GPAT4: variants seen among roughly 807,000 people sequenced by gnomAD.
GPAT4 encodes 1-AGP acyltransferase 6.
In GPAT4, 17 loss-of-function variants were observed where a neutral mutation model predicts 58.0. That is an observed-to-expected ratio of 0.29 (90% CI 0.20 to 0.44). GPAT4 has a LOEUF of 0.44. GPAT4 is among the 20% of genes least tolerant of loss of function. The probability of loss-of-function intolerance (pLI) is 1.00; values close to 1 mark genes in which losing one functional copy is unlikely to be tolerated. For synonymous variants in GPAT4, 204 were observed against 210.1 expected (o/e 0.97, Z 0.25); for missense variants, 377 against 574.5 (o/e 0.66, Z 3.51).
At chr8:41,602,380 G>A (rs1368984956) in intron 2 of GPAT4, among the ~76,000 whole-genome samples, 4 of 152,222 alleles carry the variant, frequency 2.6e-5, no homozygotes, top group Non-Finnish European at 5.9e-5. Flanking sequence ...GCCAGCCACC[G>A]AAAGGGTTGT....
intron 1 of GPAT4, chr8:41,578,505 C>T (rs911721476): frequency 1.3e-5 from 2 of 152,084 alleles, no homozygotes; most frequent in Non-Finnish European, 2.9e-5. Context: ...CGCCCCGAAC[C>T]CCGGCCGCCC....
intron 2 of GPAT4, among the ~76,000 whole-genome samples, chr8:41,606,894 G>A (rs1304319941): frequency 5.9e-5 from 9 of 152,164 alleles, no homozygotes; most frequent in Non-Finnish European, 7.3e-5. Context: ...GACAAGGAGG[G>A]AGTTGCTTCA....
chr8:41,610,459 A>T (rs1803408101), intron 4 of GPAT4: 1 of 1,309,280 alleles, frequency 7.6e-7, no homozygotes, highest in Non-Finnish European at 9.8e-7. Flanking sequence ...CCTGTGGCAG[A>T]ATGGCCAGCT....
At chr8:41,593,331 A>T (rs1333418127) in intron 1 of GPAT4, among the ~76,000 whole-genome samples, 75 of 152,248 alleles carry the variant, frequency 4.9e-4, no homozygotes, top group Non-Finnish European at 2.9e-5. Flanking sequence ...TATACAAACA[A>T]GTCCTTTTTA....
chr8:41,584,328 C>T (rs1014692095), intron 1 of GPAT4, among the ~76,000 whole-genome samples: 2 of 152,164 alleles, frequency 1.3e-5, no homozygotes, highest in African/African-American at 4.8e-5. Flanking sequence ...TAGGTATTTA[C>T]CCAAGAGAAA....
chr8:41,579,146 C>T (rs1424529842), intron 1 of GPAT4, among the ~76,000 whole-genome samples: 1 of 152,222 alleles, frequency 6.6e-6, no homozygotes, highest in Non-Finnish European at 1.5e-5. Flanking sequence ...CAGACAAAAT[C>T]CTGTAATAAT....
rs759873328 is a variant in GPAT4, at chr8:41,609,791, G to A, written c.372G>A (p.Glu124=). 2.5e-6 allele frequency: 4 copies of A among 1,614,162 alleles called. No individual in the cohort carries two copies. Among genetic ancestry groups the A allele is most frequent in the Non-Finnish European group, 3.4e-6 (4 of 1,180,042 alleles). ...DIFYFCRKGM[E]TIMDDEVTKR... The stretch of plus-strand genomic sequence containing the variant: ...TCTACTTTTGCCGGAAAGGAATGGA[G>A]ACCATTATGGATGATGAGGTGACAA... The change falls in exon 4 of 13, where the codon GAG becomes GAA. Residue 124 remains glutamate (E), a synonymous_variant. Coordinates refer to ENST00000396987, the MANE Select transcript of GPAT4 (RefSeq NM_178819.4).
Position 41,586,880 on chromosome 8 carries a change from C to T in GPAT4, c.-849+8602C>T, listed in dbSNP as rs559449375. 6.6e-5 allele frequency among the ~76,000 whole-genome samples: 10 copies of T among 152,346 alleles called. No homozygotes were observed. The East Asian group carries it at 1.3e-3, about 21-fold the overall frequency. On this transcript the variant is annotated intron_variant, in intron 1 of 12. Transcript: ENST00000396987. Reference sequence around the variant, plus strand: ...GTCTCAACTGGCTCCACATCAGAATCGCTCGAGTGTGTTAAGAACAAATCC... The same window carrying T: ...GTCTCAACTGGCTCCACATCAGAATTGCTCGAGTGTGTTAAGAACAAATCC...
chr8:41,585,147 G>A (rs1011157214), intron 1 of GPAT4, among the ~76,000 whole-genome samples: 1 of 152,160 alleles, frequency 6.6e-6, no homozygotes, highest in African/African-American at 2.4e-5. Flanking sequence ...TACACTCGAC[G>A]TTAAATTCAG....
Position 41,623,475 on chromosome 8 carries a change from T to TC in GPAT4, c.*2476dup, listed in dbSNP as rs1310074666. ...AGTGCTGGTCAGCTGCTAACCCCCCTCCAAGCCTGCTGCACCTTCACTTCT... is the reference window on the plus strand; with the variant it reads ...AGTGCTGGTCAGCTGCTAACCCCCCTCCCAAGCCTGCTGCACCTTCACTTCT... On this transcript the variant is annotated 3_prime_UTR_variant, in exon 13 of 13. Transcript: ENST00000396987. The TC allele has an allele frequency of 6.6e-6, 1 of 152,224 alleles. No homozygotes were observed. The highest frequency in any genetic ancestry group is 2.4e-5 in the African/African-American group (1 of 41,440). 9.4% of individuals were successfully genotyped at this position (152,224 alleles called of 1,614,324 possible).
Position 41,588,507 on chromosome 8 carries a change from T to C in GPAT4, c.-848-9785T>C, listed in dbSNP as rs141147516. ...TTTCCCTTTCCTTTTCTCTCTTCTC[T>C]CTTTTCTCTTCTTTTCTTTTCCTTT... On this transcript the variant is annotated intron_variant, in intron 1 of 12. Coordinates refer to ENST00000396987, the MANE Select transcript of GPAT4 (RefSeq NM_178819.4). Among the ~76,000 whole-genome samples the C allele has an allele frequency of 1.9e-3, 289 of 152,320 alleles. 2 individuals are homozygous for C. The highest frequency in any genetic ancestry group is 3.4e-3 in the Middle Eastern group (1 of 294).
At chr8:41,589,947 A>G (rs1319032989) in intron 1 of GPAT4, among the ~76,000 whole-genome samples, 3 of 152,208 alleles carry the variant, frequency 2.0e-5, no homozygotes, top group Admixed American at 2.0e-4. Flanking sequence ...TCGGTAACTC[A>G]GGTTCCTGAA....
chr8:41,584,550 A>AT, intron 1 of GPAT4, among the ~76,000 whole-genome samples: 1 of 152,322 alleles, frequency 6.6e-6, no homozygotes, highest in East Asian at 1.9e-4. Context: ...AGTGAAGTAA[A>AT]TTGGATAAAA....
At position 41,621,125 on chromosome 8, in the gene GPAT4, C is replaced by A; in HGVS notation, c.*124C>A. 1 of 1,352,258 alleles carries A rather than the reference C, an allele frequency of 7.4e-7. No homozygotes were observed. Among genetic ancestry groups the A allele is most frequent in the Non-Finnish European group, 1.0e-6 (1 of 1,004,098 alleles). The allele number at this position is 1,352,258 out of a possible 1,614,324, so 83.8% of individuals were successfully genotyped here. A position where few individuals can be genotyped will look rare whatever the true frequency, so the allele number is the denominator to read the frequency against. ...CAGGGCTCCCCGGGCTGCTCTGGAT[C>A]CCAGGACTCCGGCTTTCGCCGAGCC... On this transcript the variant is annotated 3_prime_UTR_variant, in exon 13 of 13. Coordinates refer to ENST00000396987, the MANE Select transcript of GPAT4 (RefSeq NM_178819.4).
chr8:41,587,109 C>T (rs1386831645), intron 1 of GPAT4, among the ~76,000 whole-genome samples: 1 of 152,206 alleles, frequency 6.6e-6, no homozygotes. Flanking sequence ...GTGAGAGTCT[C>T]AGTTTTTACT....
chr8:41,581,625 CTTTTTTTT>C (rs567790530), intron 1 of GPAT4, among the ~76,000 whole-genome samples: 4 of 110,558 alleles, frequency 3.6e-5, no homozygotes, highest in Non-Finnish European at 5.7e-5. Flanking sequence ...CCTTTGTTGA[CTTTTTTTT>C]TTTTTTTTTT....
chr8:41,607,994 G>C (rs1398660803), intron 2 of GPAT4, among the ~76,000 whole-genome samples: 4 of 152,164 alleles, frequency 2.6e-5, no homozygotes, highest in African/African-American at 9.7e-5. Flanking sequence ...AACCAGATGA[G>C]ATTTACCTTC....
At chr8:41,602,398 C>G (rs1803128992) in intron 2 of GPAT4, among the ~76,000 whole-genome samples, 1 of 152,230 alleles carries the variant, frequency 6.6e-6, no homozygotes, top group South Asian at 2.1e-4. Context: ...TGTAGATGCC[C>G]TGTGGGGCCT....
At chr8:41,587,071 A>T (rs1207514777) in intron 1 of GPAT4, among the ~76,000 whole-genome samples, 2 of 152,206 alleles carry the variant, frequency 1.3e-5, no homozygotes, top group Non-Finnish European at 2.9e-5. Context: ...CTGTGCATGG[A>T]TACCAACTGT....
Sources: allele counts gnomAD v4.1 joint callset (sites outside exome capture counted in the v4.1 genomes callset), GRCh38; gene constraint gnomAD v4.1.1; transcripts MANE v1.5; gene names NCBI Gene and HGNC (gene_info 2026-07-23, HGNC 2026-07-21).